The following FBXO4 variants were observed in gnomAD, a reference collection of about 807,000 sequenced individuals.
FBXO4 encodes F-box protein 4.
FBXO4 carries 36 observed loss-of-function variants against 43.7 expected under a neutral mutation model. The ratio of observed to expected loss-of-function variants is 0.82; its 90% CI spans 0.63 to 1.09. The LOEUF is 1.09. Ranked by LOEUF, FBXO4 falls within the 50% of genes least tolerant of loss-of-function variation. FBXO4 has a pLI of 0.00. For synonymous variants in FBXO4, 180 were observed against 165.6 expected, an observed-to-expected ratio of 1.09 and a Z score of -0.67; for missense variants, 435 against 474.1, an observed-to-expected ratio of 0.92 and a Z score of 0.77.
At chr5:41,999,405 T>C in the FBXO4 span, among the ~76,000 whole-genome samples, 2 of 143,690 alleles carry the variant, frequency 1.4e-5, no homozygotes, top group Non-Finnish European at 3.0e-5. Context: ...TATATATTTA[T>C]ATATATGTAT....
the FBXO4 span, among the ~76,000 whole-genome samples, chr5:42,037,284 G>A: frequency 3.3e-5 from 5 of 151,960 alleles, no homozygotes; most frequent in Non-Finnish European, 7.4e-5. Context: ...GAGAGGCAAG[G>A]TTATGAGCAG....
the FBXO4 span, among the ~76,000 whole-genome samples, chr5:42,020,020 T>C: frequency 6.6e-6 from 1 of 152,146 alleles, no homozygotes; most frequent in African/African-American, 2.4e-5. Flanking sequence ...CATGAACGAC[T>C]TAATTTTAGA....
the FBXO4 span, among the ~76,000 whole-genome samples, chr5:41,978,424 T>C: frequency 2.6e-5 from 4 of 152,108 alleles, no homozygotes; most frequent in African/African-American, 9.7e-5. Flanking sequence ...TTTAAAAAAG[T>C]GTGAAATGAA....
the FBXO4 span, chr5:41,967,088 T>C: frequency 3.9e-6 from 1 of 258,330 alleles, no homozygotes; most frequent in East Asian, 9.6e-5. Context: ...GCTTGCTTTG[T>C]TTCTTGAGCT....
At chr5:42,000,567 C>A in the FBXO4 span, among the ~76,000 whole-genome samples, 35 of 152,054 alleles carry the variant, frequency 2.3e-4, no homozygotes, top group Non-Finnish European at 4.3e-4. Flanking sequence ...TTTCCTTGCT[C>A]TGCATAAGAT....
chr5:41,988,824 G>T, the FBXO4 span, among the ~76,000 whole-genome samples: 1 of 152,012 alleles, frequency 6.6e-6, no homozygotes, highest in South Asian at 2.1e-4. Flanking sequence ...TTCTTACACT[G>T]CTTCACCAAA....
chr5:42,028,801 A>G, the FBXO4 span, among the ~76,000 whole-genome samples: 1 of 151,650 alleles, frequency 6.6e-6, no homozygotes, highest in Non-Finnish European at 1.5e-5. Context: ...ACAAACAAAC[A>G]AAAAGAAAAC....
At chr5:41,935,127 C>A in intron 5 of FBXO4, 1 of 985,324 alleles carries the variant, frequency 1.0e-6, no homozygotes, top group Non-Finnish European at 1.2e-6. Flanking sequence ...TTAGTTCCTA[C>A]AGGCATGTTG....
At chr5:41,967,850 A>G in the FBXO4 span, 3 of 589,762 alleles carry the variant, frequency 5.1e-6, no homozygotes, top group Non-Finnish European at 1.0e-5. Flanking sequence ...ATTAAATTCA[A>G]CAATTCTTCC....
chr5:41,999,511 A>ATATATATATATG, the FBXO4 span, among the ~76,000 whole-genome samples: 1 of 105,080 alleles, frequency 9.5e-6, no homozygotes, highest in African/African-American at 5.0e-5. Context: ...ATATGTGTAT[A>ATATATATATATG]TATATATATA....
chr5:41,958,646 G>A, the FBXO4 span, among the ~76,000 whole-genome samples: 1 of 152,102 alleles, frequency 6.6e-6, no homozygotes, highest in Non-Finnish European at 1.5e-5. Flanking sequence ...AGATCATGCA[G>A]TATTTGTCTT....
chr5:41,931,434 CAGTA>C (rs1220137874), intron 3 of FBXO4, among the ~76,000 whole-genome samples: 1 of 152,154 alleles, frequency 6.6e-6, no homozygotes, highest in Non-Finnish European at 1.5e-5. Context: ...GGGCAGGTAA[CAGTA>C]AGATCTGTAT....
At chr5:41,997,342 C>A in the FBXO4 span, among the ~76,000 whole-genome samples, 2 of 152,346 alleles carry the variant, frequency 1.3e-5, no homozygotes, top group Non-Finnish European at 2.9e-5. Flanking sequence ...GAATCACTAT[C>A]CCTGTGCCTT....
intron 1 of FBXO4, 84 bp downstream of exon 1, chr5:41,925,582 G>A (rs542749708): frequency 1.9e-6 from 2 of 1,077,710 alleles, no homozygotes; most frequent in African/African-American, 1.6e-5. Flanking sequence ...GGGGCCTGGG[G>A]AACTCTCGCG....
At chr5:41,985,858 CT>C in the FBXO4 span, among the ~76,000 whole-genome samples, 3 of 152,048 alleles carry the variant, frequency 2.0e-5, no homozygotes, top group African/African-American at 7.2e-5. Flanking sequence ...TTTTTGCTAA[CT>C]TTGTAAAAGA....
At chr5:41,987,285 C>T in the FBXO4 span, among the ~76,000 whole-genome samples, 6 of 152,178 alleles carry the variant, frequency 3.9e-5, no homozygotes, top group East Asian at 1.9e-4. Flanking sequence ...ATCTCTCTTC[C>T]GAACTTGACT....
At chr5:41,967,585 T>G in the FBXO4 span, 1 of 1,119,314 alleles carries the variant, frequency 8.9e-7, no homozygotes, top group Non-Finnish European at 1.3e-6. Flanking sequence ...CAACATTTTT[T>G]GACCTTCCAG....
chr5:41,946,245 A>G (rs911196899), downstream of FBXO4, among the ~76,000 whole-genome samples: 1 of 152,200 alleles, frequency 6.6e-6, no homozygotes, highest in African/African-American at 2.4e-5. Flanking sequence ...GCCCCGTTGC[A>G]TTGCAGGCTG....
intron 5 of FBXO4, 64 bp from the exon 6 acceptor site, chr5:41,939,377 A>T: frequency 7.1e-7 from 1 of 1,412,058 alleles, no homozygotes; most frequent in Non-Finnish European, 9.5e-7. Flanking sequence ...TTAGTTTTTT[A>T]TTTTATTATT....
Sources: allele counts gnomAD v4.1 joint callset (sites outside exome capture counted in the v4.1 genomes callset), GRCh38; gene constraint gnomAD v4.1.1; transcripts MANE v1.5; gene names NCBI Gene and HGNC (gene_info 2026-07-23, HGNC 2026-07-21).